The following GUCY1A2 variants were observed in gnomAD, a reference collection of about 807,000 sequenced individuals.
The protein encoded by GUCY1A2 is guanylate cyclase 1 soluble subunit alpha 2, also known as guanylate cyclase soluble subunit alpha-2.
In GUCY1A2, 27 loss-of-function variants were observed where a neutral mutation model predicts 63.5. That is an observed-to-expected ratio of 0.43 (90% confidence interval 0.31 to 0.59). The LOEUF (loss-of-function observed/expected upper bound fraction) is 0.59. GUCY1A2 is among the 20% of genes least tolerant of loss of function. The pLI is 0.11. For missense variants in GUCY1A2, 768 were observed against 913.3 expected (o/e 0.84, Z 2.05); for synonymous variants, 364 against 343.5 (o/e 1.06, Z -0.66).
At chr11:106,716,694 G>A (rs554905528) in intron 6 of GUCY1A2, among the ~76,000 whole-genome samples, 2 of 146,932 alleles carry the variant, frequency 1.4e-5, no homozygotes, top group East Asian at 2.0e-4. Flanking sequence ...GCATGAACCC[G>A]GGAGGCAGAG....
At chr11:106,993,604 T>C (rs1348187112) in intron 1 of GUCY1A2, among the ~76,000 whole-genome samples, 1 of 152,140 alleles carries the variant, frequency 6.6e-6, no homozygotes, top group Non-Finnish European at 1.5e-5. Context: ...AATCCAGCTG[T>C]GCTACTGACC....
At chr11:106,973,335 G>C (rs183102449) in intron 3 of GUCY1A2, among the ~76,000 whole-genome samples, 138 of 152,158 alleles carry the variant, frequency 9.1e-4, no homozygotes, top group African/African-American at 3.1e-3. Flanking sequence ...CTATAGCATA[G>C]CTATGAAACC....
intron 4 of GUCY1A2, among the ~76,000 whole-genome samples, chr11:106,911,395 C>T (rs1332288066): frequency 2.6e-5 from 4 of 151,988 alleles, no homozygotes; most frequent in African/African-American, 4.8e-5. Flanking sequence ...TAGCAAAATA[C>T]GATCAGTAAT....
At chr11:106,715,809 A>G (rs970771632) in intron 6 of GUCY1A2, among the ~76,000 whole-genome samples, 7 of 152,204 alleles carry the variant, frequency 4.6e-5, no homozygotes, top group African/African-American at 1.7e-4. Context: ...CTAAGTGCTC[A>G]GAGTATAAAC....
At chr11:107,001,233 G>A (rs1016021436) in intron 1 of GUCY1A2, among the ~76,000 whole-genome samples, 53 of 152,290 alleles carry the variant, frequency 3.5e-4, no homozygotes, top group African/African-American at 1.2e-3. Context: ...AGAATTATAA[G>A]TATTTTCCCC....
chr11:106,991,364 T>C (rs911062987), intron 1 of GUCY1A2, among the ~76,000 whole-genome samples: 1 of 152,204 alleles, frequency 6.6e-6, no homozygotes, highest in African/African-American at 2.4e-5. Flanking sequence ...AATGTAGGTA[T>C]ATATTTAATC....
chr11:106,845,989 T>C (rs1859265502), intron 4 of GUCY1A2, among the ~76,000 whole-genome samples: 1 of 151,660 alleles, frequency 6.6e-6, no homozygotes, highest in Non-Finnish European at 1.5e-5. Flanking sequence ...CTTAATGTGA[T>C]ACAGCTCTTG....
At chr11:106,735,642 T>A (rs921969024) in intron 6 of GUCY1A2, among the ~76,000 whole-genome samples, 1 of 152,168 alleles carries the variant, frequency 6.6e-6, no homozygotes, top group African/African-American at 2.4e-5. Context: ...CTGTGGGGTA[T>A]ATAACTAGCA....
chr11:106,711,208 A>G (rs1863112135), intron 6 of GUCY1A2, among the ~76,000 whole-genome samples: 1 of 152,156 alleles, frequency 6.6e-6, no homozygotes, highest in Non-Finnish European at 1.5e-5. Flanking sequence ...AAAGGCTGCC[A>G]TGCATATGTA....
chr11:106,886,487 C>G (rs1467537210), intron 4 of GUCY1A2, among the ~76,000 whole-genome samples: 1 of 152,050 alleles, frequency 6.6e-6, no homozygotes, highest in Non-Finnish European at 1.5e-5. Context: ...ATGCACAAAC[C>G]TCATCCTATC....
chr11:106,806,563 C>T (rs906279294), intron 5 of GUCY1A2, among the ~76,000 whole-genome samples: 3 of 152,154 alleles, frequency 2.0e-5, no homozygotes, highest in Admixed American at 6.5e-5. Context: ...AAATTAGATA[C>T]TGGTTCTTTA....
intron 6 of GUCY1A2, among the ~76,000 whole-genome samples, chr11:106,764,683 C>T (rs1864127740): frequency 6.6e-6 from 1 of 151,994 alleles, no homozygotes; most frequent in Non-Finnish European, 1.5e-5. Flanking sequence ...AGAGAGTGCT[C>T]ACGCACTCTA....
chr11:106,777,303 T>C (rs1489535136), intron 5 of GUCY1A2, among the ~76,000 whole-genome samples: 2 of 151,878 alleles, frequency 1.3e-5, no homozygotes, highest in South Asian at 2.1e-4. Flanking sequence ...AAAAATTAAC[T>C]GGGCACGGTG....
rs755005315 is a variant in GUCY1A2 at position 106,776,445 on chromosome 11, C to T, written c.1830G>A (p.Pro610=). Residue 610 remains proline (P), a synonymous_variant, in exon 6 of 8, where the codon CCG becomes CCA. Transcript: ENST00000526355. ...AGATTGTTGGGAGGGTTACCTGAAT[C>T]GGTCTTCCATCAGGTGTCAGCACCT... ...SEEVLTPDGR[P]IQMRIGIHSG... The T allele has an allele frequency of 1.6e-5, 26 of 1,612,330 alleles. No individual in the cohort carries two copies. The highest frequency in any genetic ancestry group is 1.6e-4 in the Middle Eastern group (1 of 6,084).
intron 4 of GUCY1A2, among the ~76,000 whole-genome samples, chr11:106,903,711 G>C (rs1429913200): frequency 6.6e-6 from 1 of 152,166 alleles, no homozygotes; most frequent in East Asian, 1.9e-4. Context: ...CAGGGAAGAT[G>C]ATAGAAAGTG....
chr11:106,974,816 C>T (rs1861241947), intron 3 of GUCY1A2, among the ~76,000 whole-genome samples: 1 of 152,084 alleles, frequency 6.6e-6, no homozygotes, highest in Admixed American at 6.6e-5. Context: ...CAGAACTATG[C>T]ACTTCCTGAC....
intron 4 of GUCY1A2, among the ~76,000 whole-genome samples, chr11:106,881,398 T>A (rs1048490971): frequency 6.6e-6 from 1 of 152,094 alleles, no homozygotes; most frequent in Non-Finnish European, 1.5e-5. Context: ...TTTTGTTTTT[T>A]ATTTTTTACC....
chr11:106,766,055 C>T (rs1262831873), intron 6 of GUCY1A2, among the ~76,000 whole-genome samples: 3 of 152,140 alleles, frequency 2.0e-5, no homozygotes, highest in Admixed American at 1.3e-4. Context: ...TAGGAAACCA[C>T]ATTCCAAATA....
intron 5 of GUCY1A2, among the ~76,000 whole-genome samples, chr11:106,784,731 C>T (rs1318066342): frequency 6.6e-6 from 1 of 152,058 alleles, no homozygotes; most frequent in Non-Finnish European, 1.5e-5. Context: ...TGAAGATCTG[C>T]ATTATAGGAT....
Sources: allele counts gnomAD v4.1 joint callset (sites outside exome capture counted in the v4.1 genomes callset), GRCh38; gene constraint gnomAD v4.1.1; transcripts MANE v1.5; gene names NCBI Gene and HGNC (gene_info 2026-07-23, HGNC 2026-07-21).